The following ABLIM2 variants were observed in gnomAD, a reference collection of about 807,000 sequenced individuals.
The protein encoded by ABLIM2 is actin-binding LIM protein 2.
A neutral mutation model predicts 97.7 loss-of-function variants in ABLIM2; 53 were observed. That is an observed-to-expected ratio of 0.54 (90% CI 0.44 to 0.68). The LOEUF is 0.68. Ranked by LOEUF, ABLIM2 falls within the 30% of genes least tolerant of loss-of-function variation. The probability of loss-of-function intolerance (pLI) is 0.00; values close to 1 mark genes in which losing one functional copy is unlikely to be tolerated. For missense variants in ABLIM2, 835 were observed against 867.2 expected, an observed-to-expected ratio of 0.96 and a Z score of 0.47; for synonymous variants, 361 against 345.8, an observed-to-expected ratio of 1.04 and a Z score of -0.49.
In ABLIM2 at chr4:8,103,275, C is replaced by T. The variant is rs577315237; in HGVS notation, c.154+3219G>A. 8.5e-5 allele frequency among the ~76,000 whole-genome samples: 13 copies of T among 152,364 alleles called. No homozygotes were observed. In the South Asian group the frequency reaches 2.1e-3, roughly 24 times the overall value. ...CCCAAAGCACCCTCAATGATTCATA[C>T]GCTGCACTCTCATGAGAGCCTGGAG... On this transcript the variant is annotated intron_variant, in intron 2 of 20. Coordinates refer to ENST00000447017, the MANE Select transcript of ABLIM2 (RefSeq NM_001130083.2).
intron 20 of ABLIM2, among the ~76,000 whole-genome samples, chr4:7,974,382 CCCATCCACCCAT>C (rs1349855771): frequency 3.2e-4 from 34 of 107,528 alleles, no homozygotes; most frequent in African/African-American, 8.6e-4. Flanking sequence ...CATCCATCCA[CCCATCCACCCAT>C]CCATCCACCC....
Position 8,021,713 on chromosome 4 carries a change from G to C in ABLIM2, c.1268-1410C>G, listed in dbSNP as rs1041453362. On this transcript the variant is annotated intron_variant, in intron 12 of 20. Transcript: ENST00000447017. The surrounding 1 kb of genome is among the most constrained non-coding windows in gnomAD (Gnocchi z 5.5). Reference sequence around the variant, plus strand: ...TGCCTGGTGGTGGGCTGCATGCAGCGGGAGGTCACCTAGGAGCAGGGTGGC... The same window carrying C: ...TGCCTGGTGGTGGGCTGCATGCAGCCGGAGGTCACCTAGGAGCAGGGTGGC... 2.0e-5 allele frequency among the ~76,000 whole-genome samples: 3 copies of C among 152,242 alleles called. No homozygotes were observed. The highest frequency in any genetic ancestry group is 2.9e-5 in the Non-Finnish European group (2 of 68,050).
chr4:8,141,476 C>T lies in ABLIM2; in HGVS notation c.10+17204G>A, dbSNP rs571096709. Among the ~76,000 whole-genome samples the T allele has an allele frequency of 3.3e-5, 5 of 152,280 alleles. No homozygotes were observed. In the South Asian group the frequency reaches 1.0e-3, roughly 32 times the overall value. ...AATGATCTTTGCCAAACACATGCAC[C>T]AACATTTGAATAATTCAACTTCCAT... On this transcript the variant is annotated intron_variant, in intron 1 of 20. Coordinates refer to ENST00000447017, the MANE Select transcript of ABLIM2 (RefSeq NM_001130083.2).
At chr4:8,029,824 C>G (rs2151206152) in intron 10 of ABLIM2, 48 bp from the exon 11 acceptor site, 1 of 1,542,296 alleles carries the variant, frequency 6.5e-7, no homozygotes, top group East Asian at 2.4e-5. Flanking sequence ...GGAGCACTTC[C>G]CACCCCTTGT....
chr4:8,073,504 A>G (rs1813802600), intron 6 of ABLIM2, among the ~76,000 whole-genome samples: 1 of 151,640 alleles, frequency 6.6e-6, no homozygotes, highest in African/African-American at 2.4e-5. Context: ...ACCACCTCCT[A>G]CAGGGTGGGG....
rs192084378 is a variant in ABLIM2, at chr4:8,106,431, C to A, written c.154+63G>T. ...GAGCTTCCCAGGAGGCTTTGCGGGC[C>A]CAGGATCGCCGCTGGGAGGCCCGTT... On this transcript the variant is annotated intron_variant, in intron 2 of 20. Coordinates refer to ENST00000447017, the MANE Select transcript of ABLIM2 (RefSeq NM_001130083.2). 8.6e-3 allele frequency: 13,286 copies of A among 1,553,584 alleles called. 80 individuals carry two copies. The highest frequency in any genetic ancestry group is 0.018 in the South Asian group (1,534 of 84,040).
chr4:8,074,359 G>A (rs1205210259), intron 6 of ABLIM2, among the ~76,000 whole-genome samples: 2 of 152,172 alleles, frequency 1.3e-5, no homozygotes, highest in Non-Finnish European at 2.9e-5. Context: ...GGAGCCTGAG[G>A]AAGTATTGCT....
rs1270232367 is a variant in ABLIM2 at position 8,015,606 on chromosome 4, G to A, written c.1423+4012C>T. On this transcript the variant is annotated intron_variant, in intron 14 of 20. Transcript: ENST00000447017. The surrounding 1 kb of genome is among the most constrained non-coding windows in gnomAD (Gnocchi z 4.6). The stretch of plus-strand genomic sequence containing the variant: ...TTAAACCAGGGCACAAAGACACAGG[G>A]AACAACGTGTGTCCCGTGGGGTCAC... Among the ~76,000 whole-genome samples, 1 of 152,208 alleles carries A rather than the reference G, an allele frequency of 6.6e-6. No homozygotes were observed. The highest frequency in any genetic ancestry group is 1.5e-5 in the Non-Finnish European group (1 of 68,038).
intron 8 of ABLIM2, among the ~76,000 whole-genome samples, chr4:8,049,117 C>A (rs1449724611): frequency 2.0e-5 from 3 of 152,232 alleles, no homozygotes; most frequent in Non-Finnish European, 4.4e-5. Context: ...GAGCATCCTG[C>A]ACATCGGAGG....
rs1823140664 is a variant in ABLIM2, at chr4:8,085,736, C to G, written c.454+2433G>C. Among the ~76,000 whole-genome samples the G allele has an allele frequency of 6.6e-6, 1 of 152,148 alleles. No homozygotes were observed. The highest frequency in any genetic ancestry group is 2.4e-5 in the African/African-American group (1 of 41,442). ...TCCACTCACGCGGGTCTGGGGGGTG[C>G]ACCCAGCACATTTCACAGGTGTTTA... On this transcript the variant is annotated intron_variant, in intron 4 of 20. Transcript: ENST00000447017. This position sits in a 1 kb window ranked among gnomAD's most constrained non-coding sequence, Gnocchi z 6.1.
At chr4:7,979,749 T>A (rs372832152) in intron 20 of ABLIM2, among the ~76,000 whole-genome samples, 3 of 152,270 alleles carry the variant, frequency 2.0e-5, no homozygotes, top group South Asian at 2.1e-4. Flanking sequence ...CCAGCTCAGG[T>A]GATGTCAGCA....
At chr4:8,108,349 C>T (rs1286416985) in intron 1 of ABLIM2, among the ~76,000 whole-genome samples, 1 of 152,342 alleles carries the variant, frequency 6.6e-6, no homozygotes, top group East Asian at 1.9e-4. Flanking sequence ...GCCAAGTTCA[C>T]CCCGAATGAT....
rs1577154206 is a variant in ABLIM2, at chr4:8,071,775, A to C, written c.675+5853T>G. 1.0e-6 allele frequency: 1 copy of C among 983,240 alleles called. No homozygotes were observed. 60.9% of individuals were successfully genotyped at this position (983,240 alleles called of 1,614,324 possible). On this transcript the variant is annotated intron_variant, in intron 6 of 20. Transcript: ENST00000447017. This position sits in a 1 kb window ranked among gnomAD's most constrained non-coding sequence, Gnocchi z 6.2. ...TGCGGGCCAGGTTTCCTACCTGCAC[A>C]GCTTCTGGGCACCAGAGCCCAGTCT...
At position 8,001,004 on chromosome 4, in the gene ABLIM2, G is replaced by A. The variant is rs536169378; in HGVS notation, c.1618+7055C>T. 5.9e-5 allele frequency among the ~76,000 whole-genome samples: 9 copies of A among 152,288 alleles called. No individual in the cohort carries two copies. The highest frequency in any genetic ancestry group is 2.0e-4 in the Admixed American group (3 of 15,310). On this transcript the variant is annotated intron_variant, in intron 16 of 20. Coordinates refer to ENST00000447017, the MANE Select transcript of ABLIM2 (RefSeq NM_001130083.2). This position sits in a 1 kb window ranked among gnomAD's most constrained non-coding sequence, Gnocchi z 4.2. ...GGTCTGCTTTGTGGGCACCTGACCC[G>A]TGAGCCACTCGCTTGGGCAGTTCCC...
Position 8,106,656 on chromosome 4 carries a change from G to A in ABLIM2, c.11-19C>T, listed in dbSNP as rs762451854. ...TGCGACACTGTTGGGAAAGAGAGAA[G>A]AGCAGCGTTCAAGGGTGGATGTGTG... On this transcript the variant is annotated intron_variant, in intron 1 of 20. Coordinates refer to ENST00000447017, the MANE Select transcript of ABLIM2 (RefSeq NM_001130083.2). 6.3e-7 allele frequency: 1 copy of A among 1,593,894 alleles called. No homozygotes were observed. The highest frequency in any genetic ancestry group is 8.5e-7 in the Non-Finnish European group (1 of 1,170,212).
chr4:8,145,267 T>A (rs986152579), intron 1 of ABLIM2, among the ~76,000 whole-genome samples: 1 of 151,994 alleles, frequency 6.6e-6, no homozygotes, highest in Admixed American at 6.6e-5. Context: ...CACTGCAATC[T>A]TCGCCTCCCA....
rs1025973199 is a variant in ABLIM2, at chr4:7,999,194, G to A, written c.1619-6267C>T. ...CCTGCCTCAGCCTCCTGAGTAGCTG[G>A]GATTACAGGCATGTACCACTGCGCC... On this transcript the variant is annotated intron_variant, in intron 16 of 20. Coordinates refer to ENST00000447017, the MANE Select transcript of ABLIM2 (RefSeq NM_001130083.2). This position sits in a 1 kb window ranked among gnomAD's most constrained non-coding sequence, Gnocchi z 4.4. 6.6e-6 allele frequency among the ~76,000 whole-genome samples: 1 copy of A among 152,154 alleles called. No individual in the cohort carries two copies. The highest frequency in any genetic ancestry group is 1.5e-5 in the Non-Finnish European group (1 of 68,024).
rs567733544 is a variant in ABLIM2, at chr4:8,158,006, G to A, written c.10+674C>T. On this transcript the variant is annotated intron_variant, in intron 1 of 20. Transcript: ENST00000447017. ...AGTTTCCCCAACAGCACAAGGCGCG[G>A]CTGGGCTCCAGCGCTGTGGGATTTT... 4.6e-5 allele frequency among the ~76,000 whole-genome samples: 7 copies of A among 152,382 alleles called. 1 individual carries two copies. The East Asian group carries it at 1.4e-3, about 29-fold the overall frequency.
chr4:8,047,199 G>T (rs1056924372), intron 8 of ABLIM2, among the ~76,000 whole-genome samples: 2 of 152,200 alleles, frequency 1.3e-5, no homozygotes, highest in African/African-American at 4.8e-5. Flanking sequence ...GTGCAAACTT[G>T]ATTCTGTATC....
Sources: gnomAD v4.1 joint callset for allele counts (sites outside exome capture counted in the v4.1 genomes callset) on GRCh38, gnomAD v4.1.1 for gene constraint, Gnocchi (gnomAD v3.1) non-coding constraint, MANE v1.5 for transcripts, NCBI Gene and HGNC (gene_info 2026-07-23, HGNC 2026-07-21) for gene names.